Variants in TAFA1 observed in about 807,000 individuals in gnomAD.
TAFA1 encodes the protein chemokine-like protein TAFA-1.
In TAFA1, 4 loss-of-function variants were observed where a neutral mutation model predicts 18.5. The observed-to-expected ratio is 0.22, with a 90% CI of 0.11 to 0.49. TAFA1 has a LOEUF of 0.49. Ranked by LOEUF, TAFA1 falls within the 20% of genes least tolerant of loss-of-function variation. The pLI, the probability that TAFA1 is intolerant of heterozygous loss-of-function variation, is 0.98. For synonymous variants in TAFA1, 56 were observed against 55.2 expected (o/e 1.01, Z -0.06); for missense variants, 147 against 169.0 (o/e 0.87, Z 0.72).
intron 2 of TAFA1, among the ~76,000 whole-genome samples, chr3:68,214,327 A>G (rs2066629725): frequency 6.6e-6 from 1 of 152,142 alleles, no homozygotes; most frequent in Admixed American, 6.6e-5. Flanking sequence ...ATCTCTGAGT[A>G]TAGAAGCTGT....
intron 2 of TAFA1, among the ~76,000 whole-genome samples, chr3:68,281,615 G>A (rs1028780137): frequency 4.6e-5 from 7 of 151,716 alleles, no homozygotes; most frequent in Non-Finnish European, 7.4e-5. Context: ...GACTGCAGGC[G>A]CATCCCCACC....
At chr3:68,533,407 A>G (rs1339846016) in intron 3 of TAFA1, among the ~76,000 whole-genome samples, 2 of 152,176 alleles carry the variant, frequency 1.3e-5, no homozygotes, top group African/African-American at 4.8e-5. Context: ...CCATGATTCA[A>G]TTATCTCCCA....
chr3:68,395,303 G>A (rs1158362984), intron 2 of TAFA1, among the ~76,000 whole-genome samples: 1 of 152,180 alleles, frequency 6.6e-6, no homozygotes, highest in Admixed American at 6.5e-5. Context: ...AGGTGCTGGA[G>A]AGGATGTGGA....
At chr3:68,344,126 G>T (rs1403484230) in intron 2 of TAFA1, among the ~76,000 whole-genome samples, 2 of 151,862 alleles carry the variant, frequency 1.3e-5, no homozygotes, top group African/African-American at 4.8e-5. Context: ...TACAGGCGTG[G>T]GCCACAAAAG....
intron 2 of TAFA1, among the ~76,000 whole-genome samples, chr3:68,301,484 A>G (rs895173216): frequency 6.6e-6 from 1 of 152,190 alleles, no homozygotes; most frequent in Non-Finnish European, 1.5e-5. Context: ...CTCACAAAAC[A>G]AGAGTCTCAG....
Position 68,486,670 on chromosome 3 carries a change from G to A in TAFA1, c.260-52086G>A, listed in dbSNP as rs570820556. Among the ~76,000 whole-genome samples, 260 of 152,298 alleles carry A rather than the reference G, an allele frequency of 1.7e-3. 2 individuals are homozygous for A. Among genetic ancestry groups the A allele is most frequent in the African/African-American group, 5.5e-3 (229 of 41,556 alleles). ...TACAAGACATATAGCAAAGCATTTC[G>A]TAATGACGACCTCTGGGTCTGCGAA... is the stretch of plus-strand genomic sequence containing the variant. On this transcript the variant is annotated intron_variant, in intron 3 of 4. Coordinates refer to ENST00000478136, the MANE Select transcript of TAFA1 (RefSeq NM_213609.4).
intron 2 of TAFA1, among the ~76,000 whole-genome samples, chr3:68,181,894 C>T (rs918256069): frequency 2.6e-5 from 4 of 152,130 alleles, no homozygotes; most frequent in African/African-American, 7.2e-5. Context: ...TCATTCCTTA[C>T]TTTTAAACTA....
intron 3 of TAFA1, among the ~76,000 whole-genome samples, chr3:68,445,986 C>T (rs570174974): frequency 1.3e-5 from 2 of 152,272 alleles, no homozygotes; most frequent in South Asian, 4.1e-4. Context: ...ACTGCAGCCT[C>T]AAACTCCAGG....
chr3:68,011,445 A>G (rs1159082715), intron 2 of TAFA1, among the ~76,000 whole-genome samples: 2 of 152,182 alleles, frequency 1.3e-5, no homozygotes, highest in African/African-American at 2.4e-5. Flanking sequence ...TGCCTTGATT[A>G]TTACATACTG....
intron 2 of TAFA1, among the ~76,000 whole-genome samples, chr3:68,213,883 C>A (rs2066624210): frequency 6.6e-6 from 1 of 152,064 alleles, no homozygotes; most frequent in African/African-American, 2.4e-5. Flanking sequence ...ATCAATTCAA[C>A]CTTGACTTTC....
intron 3 of TAFA1, among the ~76,000 whole-genome samples, chr3:68,530,073 C>T (rs904679089): frequency 1.3e-5 from 2 of 152,184 alleles, no homozygotes; most frequent in Non-Finnish European, 2.9e-5. Flanking sequence ...TCTAAACTGT[C>T]ATCTTTGAGG....
chr3:68,067,829 G>A (rs1046970639), intron 2 of TAFA1, among the ~76,000 whole-genome samples: 2 of 151,756 alleles, frequency 1.3e-5, no homozygotes, highest in East Asian at 1.9e-4. Flanking sequence ...ATGACACGAT[G>A]TTGAATGAGA....
intron 2 of TAFA1, among the ~76,000 whole-genome samples, chr3:68,391,725 A>G (rs760600572): frequency 6.6e-6 from 1 of 152,184 alleles, no homozygotes; most frequent in Non-Finnish European, 1.5e-5. Flanking sequence ...TGAAGAAAAT[A>G]ATTTTCAACT....
intron 2 of TAFA1, among the ~76,000 whole-genome samples, chr3:68,362,541 C>T (rs1341114681): frequency 2.6e-5 from 4 of 152,112 alleles, no homozygotes; most frequent in Admixed American, 2.6e-4. Context: ...TATTGGACAC[C>T]TTCTCAACGT....
intron 2 of TAFA1, among the ~76,000 whole-genome samples, chr3:68,311,585 G>T (rs1456448210): frequency 1.3e-5 from 2 of 152,230 alleles, no homozygotes; most frequent in African/African-American, 4.8e-5. Flanking sequence ...AAATCTTAAA[G>T]CTCCAAAATG....
At chr3:68,378,739 G>A (rs187238701) in intron 2 of TAFA1, among the ~76,000 whole-genome samples, 4 of 152,086 alleles carry the variant, frequency 2.6e-5, no homozygotes, top group East Asian at 3.9e-4. Context: ...TGATTGGATC[G>A]TGGGAGAGGT....
intron 2 of TAFA1, among the ~76,000 whole-genome samples, chr3:68,406,854 G>A (rs1354467025): frequency 6.6e-6 from 1 of 152,190 alleles, no homozygotes; most frequent in Non-Finnish European, 1.5e-5. Flanking sequence ...GGAATCAAGT[G>A]TGTTCTTGTA....
In TAFA1 at chr3:68,145,564, A is replaced by G. The variant is rs2065728903; in HGVS notation, c.118+138820A>G. On this transcript the variant is annotated intron_variant, in intron 2 of 4. Transcript: ENST00000478136. ...TTATTCCCTTATCAGAGCCTGCTCC[A>G]CTTCCCCCAATACCCAATGAACAGC... 22 of 1,472,398 alleles carry G rather than the reference A, an allele frequency of 1.5e-5. No individual in the cohort carries two copies. In the South Asian group the frequency reaches 2.3e-4, roughly 15 times the overall value. 91.2% of individuals were successfully genotyped at this position (1,472,398 alleles called of 1,614,324 possible).
chr3:68,412,585 T>A (rs2070737746), intron 2 of TAFA1, among the ~76,000 whole-genome samples: 1 of 152,128 alleles, frequency 6.6e-6, no homozygotes, highest in African/African-American at 2.4e-5. Context: ...GTCCAAGTGT[T>A]CTCATTGTTC....
Sources: gnomAD v4.1 joint callset for allele counts (sites outside exome capture counted in the v4.1 genomes callset) on GRCh38, gnomAD v4.1.1 for gene constraint, MANE v1.5 for transcripts, NCBI Gene and HGNC (gene_info 2026-07-23, HGNC 2026-07-21) for gene names.